Variants in PTPRR observed in about 807,000 individuals in gnomAD.
PTPRR encodes the protein receptor-type tyrosine-protein phosphatase R.
A neutral mutation model predicts 77.2 loss-of-function variants in PTPRR; 38 were observed. The observed-to-expected ratio is 0.49, with a 90% CI of 0.38 to 0.65. The LOEUF (loss-of-function observed/expected upper bound fraction) is 0.65, where lower values mean the gene tolerates loss of function less well. Among genes scored for constraint, PTPRR ranks in the 30% least tolerant of loss-of-function variants. PTPRR has a pLI of 0.00. For missense variants in PTPRR, 744 were observed against 799.2 expected (o/e 0.93, Z 0.83); for synonymous variants, 299 against 283.1 (o/e 1.06, Z -0.57).
chr12:70,733,427 C>CAAA (rs764791536), intron 6 of PTPRR, among the ~76,000 whole-genome samples: 1,795 of 26,696 alleles, frequency 0.067, 146 homozygotes, highest in African/African-American at 0.2. Flanking sequence ...CAAACAACAA[C>CAAA]AAAAAAAAAA....
intron 8 of PTPRR, among the ~76,000 whole-genome samples, chr12:70,686,229 C>A (rs1444058154): frequency 6.6e-6 from 1 of 152,018 alleles, no homozygotes; most frequent in East Asian, 1.9e-4. Flanking sequence ...TTACGTTCCC[C>A]ACGAAAACTG....
intron 6 of PTPRR, among the ~76,000 whole-genome samples, chr12:70,702,885 A>G (rs1888482564): frequency 1.3e-5 from 2 of 152,126 alleles, no homozygotes; most frequent in African/African-American, 4.8e-5. Flanking sequence ...TCATTTTCTA[A>G]ATATTTCACA....
intron 7 of PTPRR, among the ~76,000 whole-genome samples, chr12:70,699,442 G>A (rs139083000): frequency 9.0e-4 from 137 of 152,022 alleles, no homozygotes; most frequent in African/African-American, 3.0e-3. Context: ...ACAGCTATTC[G>A]TTTATTAATT....
chr12:70,726,416 C>T (rs1407358822), intron 6 of PTPRR, among the ~76,000 whole-genome samples: 3 of 152,048 alleles, frequency 2.0e-5, no homozygotes, highest in South Asian at 2.1e-4. Context: ...ACATAACCTC[C>T]TGCAGCCATG....
intron 2 of PTPRR, among the ~76,000 whole-genome samples, chr12:70,766,321 G>A (rs2136971633): frequency 6.6e-6 from 1 of 152,304 alleles, no homozygotes; most frequent in East Asian, 1.9e-4. Flanking sequence ...GTGCTTAAAG[G>A]AGCTGATGGA....
rs541503986 is a variant in PTPRR at position 70,788,762 on chromosome 12, A to T, written c.358-23984T>A. 9 of 1,190,150 alleles carry T rather than the reference A, an allele frequency of 7.6e-6. No individual in the cohort carries two copies. In the South Asian group the frequency reaches 9.1e-5, roughly 12 times the overall value. 73.7% of individuals were successfully genotyped at this position (1,190,150 alleles called of 1,614,324 possible). Reference sequence around the variant, plus strand: ...CATAAATCTTAATATTTACCCTCCTAAGCTCTTAACATTACACCGAGGACC... The same window carrying T: ...CATAAATCTTAATATTTACCCTCCTTAGCTCTTAACATTACACCGAGGACC... On this transcript the variant is annotated intron_variant, in intron 2 of 13. Transcript: ENST00000283228.
chr12:70,858,183 C>T (rs561965265), intron 2 of PTPRR, among the ~76,000 whole-genome samples: 1 of 151,790 alleles, frequency 6.6e-6, no homozygotes, highest in Non-Finnish European at 1.5e-5. Flanking sequence ...TTAATTGATT[C>T]TTTCTTTTTT....
chr12:70,866,482 G>T (rs1892851883), intron 2 of PTPRR, among the ~76,000 whole-genome samples: 1 of 152,008 alleles, frequency 6.6e-6, no homozygotes, highest in Admixed American at 6.6e-5. Flanking sequence ...ACTAAACCAG[G>T]AAGAAGTTGA....
intron 6 of PTPRR, among the ~76,000 whole-genome samples, chr12:70,729,197 A>G (rs1889564936): frequency 6.6e-6 from 1 of 152,228 alleles, no homozygotes; most frequent in South Asian, 2.1e-4. Flanking sequence ...TATGCATTTA[A>G]ACTTAAATGT....
intron 2 of PTPRR, among the ~76,000 whole-genome samples, chr12:70,827,709 CTTTTTTTT>C (rs869285373): frequency 6.3e-5 from 4 of 63,870 alleles, no homozygotes; most frequent in African/African-American, 2.8e-4. Context: ...CCACACCTGG[CTTTTTTTT>C]TTTTTTTTTT....
chr12:70,887,780 G>A (rs1420412742), intron 2 of PTPRR, among the ~76,000 whole-genome samples: 1 of 152,008 alleles, frequency 6.6e-6, no homozygotes, highest in Non-Finnish European at 1.5e-5. Flanking sequence ...GATGGACTCA[G>A]AGACACAGGG....
chr12:70,783,893 C>T (rs1282953652), intron 2 of PTPRR, among the ~76,000 whole-genome samples: 1 of 146,710 alleles, frequency 6.8e-6, no homozygotes, highest in Non-Finnish European at 1.5e-5. Flanking sequence ...CGGGGGTTGG[C>T]ACGTCAGCAC....
intron 2 of PTPRR, among the ~76,000 whole-genome samples, chr12:70,821,426 C>T (rs185288851): frequency 5.8e-4 from 88 of 151,182 alleles, no homozygotes; most frequent in African/African-American, 1.9e-3. Context: ...GAGGTTTAAC[C>T]ACTTTGGCCA....
At chr12:70,763,788 A>G (rs1890748086) in intron 3 of PTPRR, among the ~76,000 whole-genome samples, 7 of 152,204 alleles carry the variant, frequency 4.6e-5, no homozygotes, top group Admixed American at 4.6e-4. Context: ...TCCTTTTCAC[A>G]TAAAACTGAG....
intron 2 of PTPRR, among the ~76,000 whole-genome samples, chr12:70,823,312 G>A (rs2467009): frequency 0.052 from 7,885 of 152,164 alleles, 678 homozygotes; most frequent in African/African-American, 0.18. Context: ...CCCACAGTAC[G>A]GCAGAGCAGT....
rs1890202354 is a variant in PTPRR, at chr12:70,745,973, CTT to C, written c.850_851del (p.Lys284AspfsTer9). The C allele has an allele frequency of 1.9e-6, 3 of 1,614,112 alleles. No homozygotes were observed. The highest frequency in any genetic ancestry group is 1.7e-6 in the Non-Finnish European group (2 of 1,180,030). ...ITLQPALSEA[K>X]TVHSMVQPEQ... ...CAGGTTGGACCATGCTGTGGACTGTCTTTGCCTCGGACAGTGCTGGCTGTAAT... is the reference window on the plus strand; with the variant it reads ...CAGGTTGGACCATGCTGTGGACTGTCTGCCTCGGACAGTGCTGGCTGTAAT... On this transcript the variant is annotated frameshift_variant, in exon 6 of 14. Transcript: ENST00000283228. LOFTEE classifies it high-confidence loss of function.
chr12:70,701,804 C>A lies in PTPRR; in HGVS notation c.1008-481G>T, dbSNP rs575715892. On this transcript the variant is annotated intron_variant, in intron 6 of 13. Coordinates refer to ENST00000283228, the MANE Select transcript of PTPRR (RefSeq NM_002849.4). ...CCTGGGCAACATGGTAAAACCCTGTCTCTACAAAACATACAAAAAGTAGCT... is the reference window on the plus strand; with the variant it reads ...CCTGGGCAACATGGTAAAACCCTGTATCTACAAAACATACAAAAAGTAGCT... 1.3e-5 allele frequency among the ~76,000 whole-genome samples: 2 copies of A among 152,074 alleles called. 1 individual carries two copies. The highest frequency in any genetic ancestry group is 4.2e-4 in the South Asian group (2 of 4,814).
intron 6 of PTPRR, among the ~76,000 whole-genome samples, chr12:70,738,266 TA>T (rs1281721387): frequency 6.6e-6 from 1 of 152,184 alleles, no homozygotes; most frequent in East Asian, 1.9e-4. Context: ...CCTATTATGG[TA>T]CAGCTGAAGA....
At position 70,746,086 on chromosome 12, in the gene PTPRR, T is replaced by C; in HGVS notation, c.739A>G (p.Ile247Val). 19 of 1,608,642 alleles carry C rather than the reference T, an allele frequency of 1.2e-5. No homozygotes were observed. Among genetic ancestry groups the C allele is most frequent in the Non-Finnish European group, 1.4e-5 (17 of 1,176,828 alleles). ...IFVIIVTCLM[I>V]LYRLKERFQL... Reference sequence around the variant, plus strand: ...AATCTTTCTTTTAATCTGTAAAGAATCTATAGAAGGAGATATAAAAAACTC... The same window carrying C: ...AATCTTTCTTTTAATCTGTAAAGAACCTATAGAAGGAGATATAAAAAACTC... Residue 247 changes from isoleucine to valine, a missense_variant and splice_region_variant, in exon 6 of 14, where the codon ATT (isoleucine) becomes GTT (valine). Ile to Val is a conservative substitution (Grantham distance 29). This residue lies in a region of PTPRR where 570 missense variants were observed against 573.2 expected (regional missense o/e 0.99). Coordinates refer to ENST00000283228, the MANE Select transcript of PTPRR (RefSeq NM_002849.4).
Sources: gnomAD v4.1 joint callset for allele counts (sites outside exome capture counted in the v4.1 genomes callset) on GRCh38, gnomAD v4.1.1 for gene constraint, gnomAD v4.1.1 regional missense constraint, MANE v1.5 for transcripts, NCBI Gene and HGNC (gene_info 2026-07-23, HGNC 2026-07-21) for gene names.